The following USP20 variants were observed in gnomAD, a reference collection of about 807,000 sequenced individuals.
USP20 encodes the protein ubiquitin carboxyl-terminal hydrolase 20.
A neutral mutation model predicts 124.2 loss-of-function variants in USP20; 80 were observed. The ratio of observed to expected loss-of-function variants is 0.64; its 90% CI spans 0.54 to 0.78. USP20 has a LOEUF of 0.78. USP20 is among the 30% of genes least tolerant of loss of function. USP20 has a pLI of 0.00. For synonymous variants in USP20, 481 were observed against 512.3 expected, an observed-to-expected ratio of 0.94 and a Z score of 0.83; for missense variants, 1,043 against 1,244.4, an observed-to-expected ratio of 0.84 and a Z score of 2.44.
chr9:129,878,303 C>T (rs1211279766), intron 22 of USP20, 35 bp from the exon 23 acceptor site: 4 of 1,505,802 alleles, frequency 2.7e-6, no homozygotes. Flanking sequence ...GACTGACCTG[C>T]CCTCTGTCTC....
intron 1 of USP20, among the ~76,000 whole-genome samples, chr9:129,848,650 C>CAAA (rs3054848): frequency 0.14 from 18,520 of 131,544 alleles, 1,568 homozygotes; most frequent in African/African-American, 0.24. Context: ...GAGACTATCT[C>CAAA]AAAAAAAAAA....
At chr9:129,865,260 T>C in intron 9 of USP20, 43 bp from the exon 10 acceptor site, 1 of 1,606,666 alleles carries the variant, frequency 6.2e-7, no homozygotes, top group Non-Finnish European at 8.5e-7. Flanking sequence ...AATGAGCAGC[T>C]CAAGGCAGGC....
At chr9:129,846,247 ATTT>A (rs35809246) in intron 1 of USP20, among the ~76,000 whole-genome samples, 10 of 32,676 alleles carry the variant, frequency 3.1e-4, no homozygotes, top group African/African-American at 1.2e-3. Context: ...ATATATATAT[ATTT>A]TTTTTTTTTT....
chr9:129,873,462 C>CCT lies in USP20; in HGVS notation c.1661-19_1661-18dup, dbSNP rs976070223. The CCT allele has an allele frequency of 3.1e-6, 5 of 1,613,990 alleles. No homozygotes were observed. In the African/African-American group the frequency reaches 5.3e-5, roughly 17 times the overall value. On this transcript the variant is annotated intron_variant, in intron 15 of 25. Transcript: ENST00000372429. ...TTTTGCATCCTTGCTAACCTCTGAC[C>CCT]CTTTGTTTTACTGCCCTAGGTGACA...
rs985651093 is a variant in USP20 at position 129,881,670 on chromosome 9, G to C, written c.*1220G>C. ...TCCCTGCTGAGCCTGGGGTTCCCCT[G>C]GCATTGGCCCCAGCCTTCTGAAAGC... On this transcript the variant is annotated 3_prime_UTR_variant, in exon 26 of 26. Coordinates refer to ENST00000372429, the MANE Select transcript of USP20 (RefSeq NM_001110303.4). The C allele has an allele frequency of 6.6e-6, 1 of 152,476 alleles. No homozygotes were observed. Among genetic ancestry groups the C allele is most frequent in the African/African-American group, 2.4e-5 (1 of 41,484 alleles). 9.4% of individuals were successfully genotyped at this position (152,476 alleles called of 1,614,324 possible).
intron 14 of USP20, 89 bp from the exon 15 acceptor site, chr9:129,870,364 C>T (rs1223186420): frequency 3.5e-6 from 5 of 1,412,574 alleles, no homozygotes; most frequent in Non-Finnish European, 4.9e-6. Flanking sequence ...TTCTGCGGCT[C>T]AGGCCTGACA....
chr9:129,875,572 A>G lies in USP20; in HGVS notation c.2231A>G (p.His744Arg), dbSNP rs750773129. 1 of 1,614,060 alleles carries G rather than the reference A, an allele frequency of 6.2e-7. No individual in the cohort carries two copies. Among genetic ancestry groups the G allele is most frequent in the Non-Finnish European group, 8.5e-7 (1 of 1,179,968 alleles). ...ACCTTCTTCCCAGGCATCCCGCCCCACAAATACCACTACATCGACGACCTG... is the reference window on the plus strand; with the variant it reads ...ACCTTCTTCCCAGGCATCCCGCCCCGCAAATACCACTACATCGACGACCTG... ...FLCSHGGIPPHKYHYIDDLVV... is the reference protein window; with the variant it reads ...FLCSHGGIPPRKYHYIDDLVV... Residue 744 changes from histidine (H) to arginine (R), a missense_variant, in exon 21 of 26, where the codon CAC becomes CGC. By Grantham distance (29) the His-to-Arg change is conservative. Coordinates refer to ENST00000372429, the MANE Select transcript of USP20 (RefSeq NM_001110303.4).
At chr9:129,856,398 C>T (rs760778310) in intron 4 of USP20, 38 bp downstream of exon 4, 1 of 1,605,572 alleles carries the variant, frequency 6.2e-7, no homozygotes, top group South Asian at 1.1e-5. Flanking sequence ...TGTAGAGCTG[C>T]TTCCACCTGT....
Position 129,869,370 on chromosome 9 carries a change from C to G in USP20, c.1337C>G (p.Ser446Ter). The stretch of plus-strand genomic sequence containing the variant: ...GAGCAGCGCTACCGCAGCGTCATCT[C>G]AGACATCTTTGACGGCTCCATTCTC... Reference protein sequence around the residue: ...RKEQRYRSVISDIFDGSILSL... With the variant: ...RKEQRYRSVI The change falls in exon 13 of 26, where the codon TCA becomes TGA. Residue 446 changes from serine (S) to a stop codon, truncating the protein, a stop_gained. Coordinates refer to ENST00000372429, the MANE Select transcript of USP20 (RefSeq NM_001110303.4). LOFTEE classifies it high-confidence loss of function. 6.2e-7 allele frequency: 1 copy of G among 1,613,750 alleles called. No homozygotes were observed. The highest frequency in any genetic ancestry group is 8.5e-7 in the Non-Finnish European group (1 of 1,180,000).
At position 129,868,294 on chromosome 9, in the gene USP20, T is replaced by A. The variant is rs370286266; in HGVS notation, c.980T>A (p.Met327Lys). The A allele has an allele frequency of 1.2e-6, 2 of 1,613,946 alleles. No homozygotes were observed. The highest frequency in any genetic ancestry group is 1.7e-6 in the Non-Finnish European group (2 of 1,179,958). ...AGRAISEKER[M>K]KDRKFSWGQQ... ...CGAGCCATCTCTGAGAAGGAGCGGA[T>A]GAAGGACCGCAAGTTCTCCTGGGGC... The change falls in exon 11 of 26, where the codon ATG becomes AAG. Residue 327 changes from methionine (M) to lysine (K), a missense_variant. Physicochemically the swap from Met to Lys is moderately conservative, Grantham distance 95. Transcript: ENST00000372429.
At chr9:129,852,687 T>C in intron 3 of USP20, 51 bp downstream of exon 3, 3 of 1,518,994 alleles carry the variant, frequency 2.0e-6, no homozygotes, top group Non-Finnish European at 2.7e-6. Context: ...GGCTGCCTCT[T>C]TCCTGGGGTG....
rs530896443 is a variant in USP20, at chr9:129,872,476, G to T, written c.1661-1006G>T. On this transcript the variant is annotated intron_variant, in intron 15 of 25. Transcript: ENST00000372429. ...CTCGTTAGTTAGAGGAGTTCTTTATGTGTCCAGATACGTGACTTATAACCC... is the reference window on the plus strand; with the variant it reads ...CTCGTTAGTTAGAGGAGTTCTTTATTTGTCCAGATACGTGACTTATAACCC... Among the ~76,000 whole-genome samples, 45 of 152,220 alleles carry T rather than the reference G, an allele frequency of 3.0e-4. No individual in the cohort carries two copies. In the South Asian group the frequency reaches 5.6e-3, roughly 19 times the overall value.
chr9:129,879,965 C>A lies in USP20; in HGVS notation c.2585-148C>A, dbSNP rs2034570023. The A allele has an allele frequency of 3.0e-6, 3 of 987,636 alleles. No homozygotes were observed. The highest frequency in any genetic ancestry group is 3.3e-5 in the African/African-American group (2 of 61,512). The allele number at this position is 987,636 out of a possible 1,614,324, so 61.2% of individuals were successfully genotyped here. On this transcript the variant is annotated intron_variant, in intron 24 of 25. Coordinates refer to ENST00000372429, the MANE Select transcript of USP20 (RefSeq NM_001110303.4). This position sits in a 1 kb window ranked among gnomAD's most constrained non-coding sequence, Gnocchi z 4.2. ...CGGGATGGACATTCCTCTGGGAAATCCTGATTTCCATCTGACAGCTTTGCA... is the reference window on the plus strand; with the variant it reads ...CGGGATGGACATTCCTCTGGGAAATACTGATTTCCATCTGACAGCTTTGCA...
Position 129,861,552 on chromosome 9 carries a change from G to A in USP20, c.437G>A (p.Gly146Asp). 1 of 1,614,076 alleles carries A rather than the reference G, an allele frequency of 6.2e-7. No homozygotes were observed. Among genetic ancestry groups the A allele is most frequent in the Non-Finnish European group, 8.5e-7 (1 of 1,180,014 alleles). Residue 146 changes from glycine (G) to aspartate (D), a missense_variant, in exon 8 of 26, where the codon GGC (glycine) becomes GAC (aspartate). Coordinates refer to ENST00000372429, the MANE Select transcript of USP20 (RefSeq NM_001110303.4). ...TGTGTTTATTTCCCAGGCCTCACGG[G>A]CATGAAGAACCTCGGGAACTCCTGC... ...DDDLKPRGLT[G>D]MKNLGNSCYM... is the part of the protein sequence containing the mutation.
At position 129,874,562 on chromosome 9, in the gene USP20, C is replaced by T. The variant is rs746541162; in HGVS notation, c.1741-14C>T. On this transcript the variant is annotated splice_polypyrimidine_tract_variant and intron_variant, in intron 17 of 25. Coordinates refer to ENST00000372429, the MANE Select transcript of USP20 (RefSeq NM_001110303.4). ...TTTCTTCCTAGATGACCGGCGCTCT[C>T]TCTGTCCCCGCAGATCCTGTGCATT... 2 of 1,612,068 alleles carry T rather than the reference C, an allele frequency of 1.2e-6. No homozygotes were observed. Among genetic ancestry groups the T allele is most frequent in the Middle Eastern group, 1.7e-4 (1 of 6,056 alleles).
chr9:129,840,766 CT>C (rs34092925), intron 1 of USP20, among the ~76,000 whole-genome samples: 11,478 of 120,338 alleles, frequency 0.095, 383 homozygotes, highest in Middle Eastern at 0.17. Context: ...CCTTTAGAAA[CT>C]TTTTTTTTTT....
intron 1 of USP20, 34 bp downstream of exon 1, chr9:129,835,533 G>C (rs916143095): frequency 7.8e-6 from 2 of 257,946 alleles, no homozygotes; most frequent in African/African-American, 4.5e-5. Flanking sequence ...TGCTTCTGTG[G>C]GCCGGGCCTC....
Position 129,875,360 on chromosome 9 carries a change from C to T in USP20, c.2099C>T (p.Ala700Val). The change falls in exon 20 of 26, where the codon GCC (alanine) becomes GTC (valine). Residue 700 changes from alanine (A) to valine (V), a missense_variant. Transcript: ENST00000372429. ...MRERQQVVSL[A>V]AMREPSLLRF... ...GAGCGACAGCAGGTGGTGTCCCTGG[C>T]CGCCATGCGGGAGCCCAGCCTGCTG... 1 of 1,612,716 alleles carries T rather than the reference C, an allele frequency of 6.2e-7. No homozygotes were observed.
rs1454965355 is a variant in USP20, at chr9:129,863,196, ACT to A, written c.510_511del (p.Gln171ValfsTer13). On this transcript the variant is annotated frameshift_variant, in exon 9 of 26. Coordinates refer to ENST00000372429, the MANE Select transcript of USP20 (RefSeq NM_001110303.4). LOFTEE classifies it high-confidence loss of function. ...LQALSNCPPL[T>X]QFFLECGGLV... ...CTCCCCTGCACCCAGCCCGCCGCTG[ACT>A]CAGTTCTTCTTGGAGTGTGGCGGCC... 1 of 1,536,784 alleles carries A rather than the reference ACT, an allele frequency of 6.5e-7. No individual in the cohort carries two copies. The highest frequency in any genetic ancestry group is 8.8e-7 in the Non-Finnish European group (1 of 1,135,516).
Sources: allele counts gnomAD v4.1 joint callset (sites outside exome capture counted in the v4.1 genomes callset), GRCh38; gene constraint gnomAD v4.1.1; non-coding constraint Gnocchi (gnomAD v3.1); transcripts MANE v1.5; gene names NCBI Gene and HGNC (gene_info 2026-07-23, HGNC 2026-07-21).